Variants in ATG5 observed in about 807,000 individuals in gnomAD.
ATG5 encodes autophagy related 5.
ATG5 carries 14 observed loss-of-function variants against 36.5 expected under a neutral mutation model. The ratio of observed to expected loss-of-function variants is 0.38; its 90% CI spans 0.25 to 0.60. The LOEUF (loss-of-function observed/expected upper bound fraction) is 0.60. Ranked by LOEUF, ATG5 falls within the 20% of genes least tolerant of loss-of-function variation. The pLI, the probability that ATG5 is intolerant of heterozygous loss-of-function variation, is 0.60. For synonymous variants in ATG5, 95 were observed against 101.5 expected (o/e 0.94, Z 0.38); for missense variants, 195 against 326.7 (o/e 0.60, Z 3.11).
chr6:106,232,720 G>T (rs1225143023), intron 6 of ATG5, among the ~76,000 whole-genome samples: 1 of 152,144 alleles, frequency 6.6e-6, no homozygotes, highest in Non-Finnish European at 1.5e-5. Context: ...GTGGACAGTG[G>T]AGGTTAGTGC....
At chr6:106,279,902 C>A (rs1779811391) in intron 4 of ATG5, 79 bp from the exon 5 acceptor site, 6 of 975,514 alleles carry the variant, frequency 6.2e-6, no homozygotes, top group Non-Finnish European at 8.3e-6. Flanking sequence ...ACTATATCCC[C>A]CAGTTTTTCA....
rs527354753 is a variant in ATG5 at position 106,325,633 on chromosome 6, C to T, written c.-166G>A. ...GCAAGCTGCCCGCCTGACACACTGTCCTGCGGGGACGCGGTAGCAGGACTC... is the reference window on the plus strand; with the variant it reads ...GCAAGCTGCCCGCCTGACACACTGTTCTGCGGGGACGCGGTAGCAGGACTC... On this transcript the variant is annotated 5_prime_UTR_variant, in exon 1 of 8. Transcript: ENST00000369076. 2.0e-5 allele frequency: 3 copies of T among 152,880 alleles called. No individual in the cohort carries two copies. Among genetic ancestry groups the T allele is most frequent in the Non-Finnish European group, 4.4e-5 (3 of 68,134 alleles). 9.5% of individuals were successfully genotyped at this position (152,880 alleles called of 1,614,324 possible).
rs1484911516 is a variant in ATG5 at position 106,316,234 on chromosome 6, A to G, written c.-26T>C. On this transcript the variant is annotated 5_prime_UTR_variant, in exon 2 of 8. Transcript: ENST00000369076. ...TCTTCCAGGAGTTAAAGCAGTACAT[A>G]CAGGCTAAATTCTTATTTCAACCAA... The G allele has an allele frequency of 6.3e-7, 1 of 1,582,136 alleles. No individual in the cohort carries two copies.
chr6:106,246,980 T>A lies in ATG5; in HGVS notation c.573+1170A>T, dbSNP rs184548938. Among the ~76,000 whole-genome samples, 16 of 152,358 alleles carry A rather than the reference T, an allele frequency of 1.1e-4. No individual in the cohort carries two copies. The East Asian group carries it at 3.1e-3, about 29-fold the overall frequency. On this transcript the variant is annotated intron_variant, in intron 6 of 7. Transcript: ENST00000369076. ...AATAACCCCGCCTTCATGAAAAATA[T>A]GGACTATTTGAAAATTATACCTGCA...
At chr6:106,198,422 A>G (rs1582537146) in intron 7 of ATG5, among the ~76,000 whole-genome samples, 1 of 152,194 alleles carries the variant, frequency 6.6e-6, no homozygotes, top group Non-Finnish European at 1.5e-5. Flanking sequence ...AACACAATCC[A>G]TTAAAAAAAA....
At chr6:106,295,384 C>T (rs192824222) in intron 3 of ATG5, among the ~76,000 whole-genome samples, 3 of 152,156 alleles carry the variant, frequency 2.0e-5, no homozygotes, top group East Asian at 3.9e-4. Context: ...CAAAGAACTC[C>T]GCTAGGCAAA....
intron 4 of ATG5, among the ~76,000 whole-genome samples, chr6:106,286,799 G>A (rs1264803991): frequency 6.6e-6 from 1 of 152,178 alleles, no homozygotes; most frequent in African/African-American, 2.4e-5. Context: ...GCTTATTACT[G>A]ACAGCCAACA....
intron 3 of ATG5, among the ~76,000 whole-genome samples, chr6:106,298,717 T>G (rs2114644288): frequency 6.6e-6 from 1 of 152,320 alleles, no homozygotes; most frequent in Middle Eastern, 3.4e-3. Context: ...AACATGCGGT[T>G]CAATACAAAT....
chr6:106,314,995 T>C (rs1473904850), intron 2 of ATG5, among the ~76,000 whole-genome samples: 4 of 152,164 alleles, frequency 2.6e-5, no homozygotes, highest in Non-Finnish European at 5.9e-5. Context: ...AATCCCAACA[T>C]GAGCCTGGGG....
At chr6:106,290,341 G>GA (rs775304802) in intron 4 of ATG5, among the ~76,000 whole-genome samples, 7 of 149,500 alleles carry the variant, frequency 4.7e-5, no homozygotes, top group Non-Finnish European at 8.9e-5. Context: ...TTTATTTTTA[G>GA]AGAGAGTTTT....
intron 5 of ATG5, among the ~76,000 whole-genome samples, chr6:106,259,202 C>G (rs908028924): frequency 6.6e-6 from 1 of 151,986 alleles, no homozygotes; most frequent in African/African-American, 2.4e-5. Flanking sequence ...AAACATATGG[C>G]CCACCCAGAA....
chr6:106,300,062 TTA>T (rs1435584465), intron 3 of ATG5, among the ~76,000 whole-genome samples: 1 of 152,362 alleles, frequency 6.6e-6, no homozygotes, highest in Non-Finnish European at 1.5e-5. Flanking sequence ...AAGCCCATTC[TTA>T]TATATGAAAA....
chr6:106,264,132 G>A (rs1000543855), intron 5 of ATG5, among the ~76,000 whole-genome samples: 5 of 152,090 alleles, frequency 3.3e-5, no homozygotes, highest in Admixed American at 6.5e-5. Context: ...AGAATAACCC[G>A]TTTTGAGAGG....
chr6:106,318,021 G>A (rs1317323975), intron 1 of ATG5, among the ~76,000 whole-genome samples: 2 of 152,160 alleles, frequency 1.3e-5, no homozygotes, highest in South Asian at 2.1e-4. Flanking sequence ...AATTTGAGAC[G>A]AAGAGTTCCT....
At chr6:106,196,495 G>A (rs1340120322) in intron 7 of ATG5, among the ~76,000 whole-genome samples, 1 of 152,114 alleles carries the variant, frequency 6.6e-6, no homozygotes, top group African/African-American at 2.4e-5. Flanking sequence ...AGGCCAAGGT[G>A]GGTGAATCAC....
intron 4 of ATG5, 85 bp downstream of exon 4, chr6:106,292,943 A>C (rs570996928): frequency 9.4e-7 from 1 of 1,068,600 alleles, no homozygotes; most frequent in Non-Finnish European, 1.4e-6. Context: ...AGCAATAAAT[A>C]ACTTCACTTA....
chr6:106,225,851 A>G (rs1460791599), intron 6 of ATG5, among the ~76,000 whole-genome samples: 1 of 152,232 alleles, frequency 6.6e-6, no homozygotes, highest in Non-Finnish European at 1.5e-5. Context: ...ATCTGCCATG[A>G]GATAGCAATA....
intron 6 of ATG5, among the ~76,000 whole-genome samples, chr6:106,246,843 G>A (rs970034750): frequency 6.6e-6 from 1 of 152,148 alleles, no homozygotes; most frequent in Non-Finnish European, 1.5e-5. Context: ...TGGTAAAATA[G>A]AAAGAATATA....
intron 6 of ATG5, among the ~76,000 whole-genome samples, chr6:106,235,331 CCAT>C (rs1777854751): frequency 6.6e-6 from 1 of 152,136 alleles, no homozygotes; most frequent in Non-Finnish European, 1.5e-5. Context: ...GCCTACTAGC[CCAT>C]GCTCCAATTG....
Sources: gnomAD v4.1 joint callset for allele counts (sites outside exome capture counted in the v4.1 genomes callset) on GRCh38, gnomAD v4.1.1 for gene constraint, MANE v1.5 for transcripts, NCBI Gene and HGNC (gene_info 2026-07-23, HGNC 2026-07-21) for gene names.